Variants in LRRC37A2 observed in about 807,000 individuals in gnomAD.
LRRC37A2 encodes the protein leucine-rich repeat-containing protein 37A2.
In LRRC37A2, 9 loss-of-function variants were observed where a neutral mutation model predicts 68.8. That is an observed-to-expected ratio of 0.13 (90% CI 0.08 to 0.23). The LOEUF (loss-of-function observed/expected upper bound fraction) is 0.23. LRRC37A2 is among the 10% of genes least tolerant of loss of function. The probability of loss-of-function intolerance (pLI) is 1.00; values close to 1 mark genes in which losing one functional copy is unlikely to be tolerated. For missense variants in LRRC37A2, 168 were observed against 950.4 expected, an observed-to-expected ratio of 0.18 and a Z score of 10.82; for synonymous variants, 63 against 367.6, an observed-to-expected ratio of 0.17 and a Z score of 9.48.
chr17:46,784,043 C>T, the LRRC37A2 span, among the ~76,000 whole-genome samples: 1 of 152,082 alleles, frequency 6.6e-6, no homozygotes, highest in Non-Finnish European at 1.5e-5. Context: ...TCCCAGGGCT[C>T]AGCTCTCATT....
At chr17:46,392,405 TTCTTTC>T in the LRRC37A2 span, among the ~76,000 whole-genome samples, 2 of 44,504 alleles carry the variant, frequency 4.5e-5, no homozygotes, top group African/African-American at 1.2e-4. Context: ...CTTTCTTTCT[TTCTTTC>T]TCTCTCTCTC....
At chr17:46,501,184 A>G in the LRRC37A2 span, among the ~76,000 whole-genome samples, 7 of 151,004 alleles carry the variant, frequency 4.6e-5, no homozygotes, top group African/African-American at 1.5e-4. Flanking sequence ...GCCCAGCTAT[A>G]TTGACTTGTT....
chr17:46,862,757 T>G, the LRRC37A2 span, among the ~76,000 whole-genome samples: 3 of 152,156 alleles, frequency 2.0e-5, no homozygotes, highest in African/African-American at 7.2e-5. Context: ...TAATTTTTTG[T>G]ATCTTTAGTA....
chr17:46,900,168 CATATATATATATAT>C, the LRRC37A2 span, among the ~76,000 whole-genome samples: 7 of 64,060 alleles, frequency 1.1e-4, no homozygotes, highest in South Asian at 3.0e-3. Context: ...TATACATATA[CATATATATATATAT>C]ATATATATAT....
At chr17:47,040,492 G>T in the LRRC37A2 span, among the ~76,000 whole-genome samples, 1 of 150,296 alleles carries the variant, frequency 6.7e-6, no homozygotes, top group African/African-American at 2.4e-5. Context: ...ACTGCTGCTT[G>T]TGTTAGTAGT....
chr17:46,543,666 G>C (rs534271504), intron 8 of LRRC37A2, among the ~76,000 whole-genome samples: 1 of 150,806 alleles, frequency 6.6e-6, no homozygotes, highest in Non-Finnish European at 1.5e-5. Context: ...AAAATGTATA[G>C]ACATACACAC....
chr17:46,551,276 CTTT>C (rs2056787172), intron 11 of LRRC37A2, among the ~76,000 whole-genome samples: 2 of 149,706 alleles, frequency 1.3e-5, no homozygotes, highest in Non-Finnish European at 2.9e-5. Context: ...TTGCCTCTGT[CTTT>C]TGTTCGATTA....
At chr17:46,858,840 A>AT in the LRRC37A2 span, among the ~76,000 whole-genome samples, 1 of 151,754 alleles carries the variant, frequency 6.6e-6, no homozygotes, top group Non-Finnish European at 1.5e-5. Context: ...CTAATTTTTT[A>AT]TTTTTTTGTA....
the LRRC37A2 span, among the ~76,000 whole-genome samples, chr17:47,001,222 C>T: frequency 6.6e-6 from 1 of 152,136 alleles, no homozygotes; most frequent in African/African-American, 2.4e-5. Context: ...TATTAATGTC[C>T]ACCTCCCAGG....
At chr17:46,871,734 G>C in the LRRC37A2 span, among the ~76,000 whole-genome samples, 20,352 of 152,136 alleles carry the variant, frequency 0.13, 1,456 homozygotes, top group East Asian at 0.3. Context: ...CTCCAGAATC[G>C]ATGAACTTTC....
the LRRC37A2 span, among the ~76,000 whole-genome samples, chr17:46,906,745 G>A: frequency 6.6e-6 from 1 of 152,098 alleles, no homozygotes; most frequent in African/African-American, 2.4e-5. Flanking sequence ...GAGAGGTTAA[G>A]CAACTTACCC....
the LRRC37A2 span, among the ~76,000 whole-genome samples, chr17:46,838,285 G>A: frequency 4.3e-3 from 650 of 151,504 alleles, 6 homozygotes; most frequent in African/African-American, 0.015. Flanking sequence ...CAGCCGAGTG[G>A]GTCAGTGGAT....
chr17:46,876,858 C>G, the LRRC37A2 span: 1 of 1,412,658 alleles, frequency 7.1e-7, no homozygotes, highest in Non-Finnish European at 9.3e-7. Context: ...GAGTGTGCCA[C>G]TCACCACCAT....
the LRRC37A2 span, chr17:47,041,952 G>C: frequency 1.9e-5 from 1 of 53,926 alleles, no homozygotes; most frequent in African/African-American, 5.1e-5. Flanking sequence ...CATCAGTATG[G>C]TGACCTCCCG....
chr17:46,992,198 C>CTAAATAAA, the LRRC37A2 span, among the ~76,000 whole-genome samples: 23,806 of 143,792 alleles, frequency 0.17, 2,399 homozygotes, highest in African/African-American at 0.28. Context: ...CCCATCTCTA[C>CTAAATAAA]TAAATAAATA....
chr17:46,931,386 A>G, the LRRC37A2 span: 1 of 624,560 alleles, frequency 1.6e-6, no homozygotes, highest in South Asian at 1.9e-5. Flanking sequence ...GCTCAAAATA[A>G]ATAGCCTGTG....
the LRRC37A2 span, among the ~76,000 whole-genome samples, chr17:46,449,441 TATTA>T: frequency 1.2e-5 from 1 of 82,226 alleles, no homozygotes; most frequent in East Asian, 2.8e-4. Flanking sequence ...AGAAATAAGC[TATTA>T]ATTAATAGCC....
chr17:46,831,773 T>G, the LRRC37A2 span, among the ~76,000 whole-genome samples: 1 of 152,228 alleles, frequency 6.6e-6, no homozygotes, highest in Non-Finnish European at 1.5e-5. Flanking sequence ...TGGCTGTGTG[T>G]CCCCGGACAA....
chr17:46,815,456 C>T, the LRRC37A2 span, among the ~76,000 whole-genome samples: 1 of 152,268 alleles, frequency 6.6e-6, no homozygotes, highest in Middle Eastern at 3.4e-3. Context: ...CCCTGTAAAT[C>T]CTTCCTGGGG....
Sources: gnomAD v4.1 joint callset for allele counts (sites outside exome capture counted in the v4.1 genomes callset) on GRCh38, gnomAD v4.1.1 for gene constraint, MANE v1.5 for transcripts, NCBI Gene and HGNC (gene_info 2026-07-23, HGNC 2026-07-21) for gene names.